Variants in CDK17 observed in about 807,000 individuals in gnomAD.
CDK17 encodes the protein cyclin-dependent kinase 17.
A neutral mutation model predicts 77.6 loss-of-function variants in CDK17; 24 were observed. The ratio of observed to expected loss-of-function variants is 0.31; its 90% CI spans 0.22 to 0.44. CDK17 has a LOEUF of 0.44. Ranked by LOEUF, CDK17 falls within the 20% of genes least tolerant of loss-of-function variation. The probability of loss-of-function intolerance (pLI) is 1.00; values close to 1 mark genes in which losing one functional copy is unlikely to be tolerated. For synonymous variants in CDK17, 203 were observed against 210.4 expected (o/e 0.96, Z 0.30); for missense variants, 429 against 622.5 (o/e 0.69, Z 3.31).
Position 96,364,095 on chromosome 12 carries a change from GTTTC to G in CDK17, c.-29-29234_-29-29231del, listed in dbSNP as rs529205002. On this transcript the variant is annotated intron_variant, in intron 1 of 16. Transcript: ENST00000261211. ...ATCTATGTTGTTCTGTGTATCAGTG[GTTTC>G]TTTATTTTTATTGCCTAAGAGTATT... Among the ~76,000 whole-genome samples, 441 of 152,244 alleles carry G rather than the reference GTTTC, an allele frequency of 2.9e-3. 5 individuals carry two copies. The highest frequency in any genetic ancestry group is 0.01 in the Middle Eastern group (3 of 294).
intron 5 of CDK17, among the ~76,000 whole-genome samples, chr12:96,307,292 T>C (rs556758723): frequency 6.6e-6 from 1 of 151,802 alleles, no homozygotes; most frequent in African/African-American, 2.4e-5. Context: ...TGAAACTCTG[T>C]CTCAAAAAAA....
At chr12:96,285,885 T>G (rs1357274082) in intron 13 of CDK17, 158 bp downstream of exon 13, 4 of 413,332 alleles carry the variant, frequency 9.7e-6, no homozygotes, top group African/African-American at 8.4e-5. Context: ...AACTCTAGAA[T>G]TCTAAAACAT....
intron 1 of CDK17, among the ~76,000 whole-genome samples, chr12:96,368,771 T>C (rs969026931): frequency 6.4e-5 from 8 of 125,632 alleles, no homozygotes; most frequent in African/African-American, 9.1e-5. Flanking sequence ...GCTGATTCCT[T>C]GGAAGAGGAA....
intron 5 of CDK17, among the ~76,000 whole-genome samples, chr12:96,305,207 C>A (rs1353800247): frequency 6.6e-6 from 1 of 152,158 alleles, no homozygotes; most frequent in African/African-American, 2.4e-5. Flanking sequence ...TACTAAATAG[C>A]ACGTCACCAT....
intron 4 of CDK17, among the ~76,000 whole-genome samples, chr12:96,312,502 T>C (rs1182287061): frequency 6.6e-6 from 1 of 152,146 alleles, no homozygotes; most frequent in African/African-American, 2.4e-5. Flanking sequence ...TTTCAACAAG[T>C]GAAAATGTTA....
rs1952639647 is a variant in CDK17 at position 96,311,066 on chromosome 12, G to A, written c.529C>T (p.Arg177Cys). ...PFDQPMSRRSRRASLSEIGFG... is the reference protein window; with the variant it reads ...PFDQPMSRRSCRASLSEIGFG... ...CAAAAACTTACTAAGGAAGCTCTAC[G>A]AGACCTTCGACTCATTGGTTGGTCA... is the stretch of plus-strand genomic sequence containing the variant. Residue 177 changes from arginine (R) to cysteine (C), a missense_variant, in exon 5 of 17, where the codon CGT becomes TGT. This residue lies in a region of CDK17 where 262 missense variants were observed against 385.4 expected (regional missense o/e 0.68). Coordinates refer to ENST00000261211, the MANE Select transcript of CDK17 (RefSeq NM_002595.5). The A allele has an allele frequency of 5.0e-6, 8 of 1,598,286 alleles. No individual in the cohort carries two copies. The highest frequency in any genetic ancestry group is 2.3e-5 in the South Asian group (2 of 87,486).
At chr12:96,293,783 C>G (rs1952360678) in intron 10 of CDK17, among the ~76,000 whole-genome samples, 2 of 152,130 alleles carry the variant, frequency 1.3e-5, no homozygotes. Context: ...ACTTTTTCAG[C>G]ATATTGAAAA....
intron 11 of CDK17, 81 bp downstream of exon 11, chr12:96,289,086 T>C: frequency 1.4e-6 from 2 of 1,423,176 alleles, no homozygotes; most frequent in Non-Finnish European, 2.0e-6. Context: ...TCCTTAAAAG[T>C]ATATACTTAT....
chr12:96,286,562 A>C (rs1177498167), intron 12 of CDK17, 102 bp downstream of exon 12: 11 of 738,084 alleles, frequency 1.5e-5, no homozygotes, highest in Non-Finnish European at 2.5e-5. Flanking sequence ...TGTTTATGTT[A>C]GTCTCAGTAT....
chr12:96,308,408 C>G (rs915167861), intron 5 of CDK17, among the ~76,000 whole-genome samples: 1 of 151,740 alleles, frequency 6.6e-6, no homozygotes, highest in Non-Finnish European at 1.5e-5. Context: ...GAGACCTTGT[C>G]TCTAAAGAAA....
chr12:96,322,723 G>A (rs1952839158), intron 3 of CDK17, among the ~76,000 whole-genome samples: 1 of 152,178 alleles, frequency 6.6e-6, no homozygotes, highest in Admixed American at 6.5e-5. Flanking sequence ...ATAGTTAAAA[G>A]TGGTAAAAAA....
intron 2 of CDK17, among the ~76,000 whole-genome samples, chr12:96,326,077 T>C (rs1365808234): frequency 6.6e-6 from 1 of 152,216 alleles, no homozygotes; most frequent in East Asian, 1.9e-4. Flanking sequence ...TTATTTCACA[T>C]GTGAAATATC....
In CDK17 at chr12:96,400,147, C is replaced by A; in HGVS notation, c.-191G>T. On this transcript the variant is annotated 5_prime_UTR_variant, in exon 1 of 17. Transcript: ENST00000261211. ...GGCCTCCGCCGCCACAGCCGCCTTC[C>A]GGCTCTCGCCGCGGGTCCGGAGCCT... 6 of 394,216 alleles carry A rather than the reference C, an allele frequency of 1.5e-5. No homozygotes were observed. The highest frequency in any genetic ancestry group is 2.7e-5 in the Non-Finnish European group (6 of 223,080). 24.4% of individuals were successfully genotyped at this position (394,216 alleles called of 1,614,324 possible).
At chr12:96,375,058 C>T (rs1364614526) in intron 1 of CDK17, among the ~76,000 whole-genome samples, 1 of 152,154 alleles carries the variant, frequency 6.6e-6, no homozygotes, top group Non-Finnish European at 1.5e-5. Flanking sequence ...CCTACTCTCC[C>T]CAATGTCTAC....
chr12:96,311,459 T>C (rs1307722468), intron 4 of CDK17, among the ~76,000 whole-genome samples: 1 of 151,158 alleles, frequency 6.6e-6, no homozygotes, highest in East Asian at 1.9e-4. Context: ...AAATTTATTA[T>C]ACCATATAGT....
intron 1 of CDK17, among the ~76,000 whole-genome samples, chr12:96,341,210 T>C (rs12229377): frequency 0.15 from 22,143 of 152,088 alleles, 1,789 homozygotes; most frequent in South Asian, 0.32. Context: ...GACTTAATGG[T>C]AAATGACTAA....
intron 1 of CDK17, among the ~76,000 whole-genome samples, chr12:96,342,889 G>C (rs1208819812): frequency 1.3e-5 from 2 of 152,028 alleles, no homozygotes; most frequent in Admixed American, 1.3e-4. Context: ...TTGAACCCAG[G>C]AGGCAGAGAC....
At chr12:96,351,045 C>A (rs1378562266) in intron 1 of CDK17, among the ~76,000 whole-genome samples, 1 of 152,086 alleles carries the variant, frequency 6.6e-6, no homozygotes, top group African/African-American at 2.4e-5. Flanking sequence ...GTACATCGCA[C>A]CAAAGATATA....
At chr12:96,280,460 C>T (rs929216186) in intron 16 of CDK17, 181 bp from the exon 17 acceptor site, 20 of 1,418,052 alleles carry the variant, frequency 1.4e-5, no homozygotes, top group Non-Finnish European at 1.8e-5. Context: ...TTCTATGCTT[C>T]GAAGTGATGA....
Sources: allele counts gnomAD v4.1 joint callset (sites outside exome capture counted in the v4.1 genomes callset), GRCh38; gene constraint gnomAD v4.1.1; regional missense constraint gnomAD v4.1.1; transcripts MANE v1.5; gene names NCBI Gene and HGNC (gene_info 2026-07-23, HGNC 2026-07-21).